Variants in AFF2 observed in about 807,000 individuals in gnomAD.
The protein encoded by AFF2 is ALF transcription elongation factor 2.
In AFF2, 14 loss-of-function variants were observed where a neutral mutation model predicts 76.9. That is an observed-to-expected ratio of 0.18 (90% CI 0.12 to 0.28). The LOEUF is 0.28. Ranked by LOEUF, AFF2 falls within the 10% of genes least tolerant of loss-of-function variation. The pLI is 1.00. For missense variants in AFF2, 868 were observed against 1,001.1 expected (o/e 0.87, Z 1.79); for synonymous variants, 398 against 366.7 (o/e 1.09, Z -0.98).
intron 3 of AFF2, among the ~76,000 whole-genome samples, chrX:148,767,515 A>C (rs1273081863): frequency 8.9e-6 from 1 of 112,143 alleles, no homozygotes; most frequent in Non-Finnish European, 1.9e-5. Context: ...ACCTGAATGC[A>C]AAGTTTCTCA....
chrX:148,742,127 G>C (rs782638192), intron 3 of AFF2, among the ~76,000 whole-genome samples: 3 of 111,744 alleles, frequency 2.7e-5, no homozygotes, highest in African/African-American at 9.8e-5. Context: ...ATGCTGCTCT[G>C]TCTGGAGCTG....
chrX:148,716,091 A>G (rs1557263348), intron 3 of AFF2, among the ~76,000 whole-genome samples: 5 of 111,847 alleles, frequency 4.5e-5, no homozygotes, highest in Non-Finnish European at 9.4e-5. Flanking sequence ...TTATATATAC[A>G]TATATATGTG....
chrX:148,610,338 C>G (rs1304627602), intron 1 of AFF2, among the ~76,000 whole-genome samples: 1 of 111,695 alleles, frequency 9.0e-6, no homozygotes, highest in Non-Finnish European at 1.9e-5. Context: ...CTGACTCCTA[C>G]TTTGGGGTTT....
At chrX:148,687,803 G>A (rs782402985) in intron 3 of AFF2, among the ~76,000 whole-genome samples, 43 of 110,846 alleles carry the variant, frequency 3.9e-4, no homozygotes, top group Middle Eastern at 4.7e-3. Flanking sequence ...TAATTTAGAC[G>A]TATGTATGGT....
chrX:148,730,557 G>A lies in AFF2; in HGVS notation c.1041+67789G>A, dbSNP rs189706551. 6.2e-5 allele frequency among the ~76,000 whole-genome samples: 7 copies of A among 113,052 alleles called. No homozygotes were observed. The East Asian group carries it at 2.0e-3, about 32-fold the overall frequency. On this transcript the variant is annotated intron_variant, in intron 3 of 20. Transcript: ENST00000370460. ...GATGACATTTCCTTTCAGGAAGTCA[G>A]CCTACTCCTCCCCCAACATCTACTC...
chrX:148,824,384 A>G (rs782353844), intron 4 of AFF2, among the ~76,000 whole-genome samples: 1 of 111,968 alleles, frequency 8.9e-6, no homozygotes, highest in Admixed American at 9.5e-5. Flanking sequence ...AAAATTTACT[A>G]AAAGAGTGGA....
chrX:148,967,834 G>A (rs1351781709), intron 15 of AFF2, 142 bp downstream of exon 15: 16 of 473,893 alleles, frequency 3.4e-5, no homozygotes, highest in Middle Eastern at 3.6e-4. Context: ...GACATAGGGA[G>A]ATTTGAACTA....
At chrX:148,761,020 G>C (rs1345174977) in intron 3 of AFF2, among the ~76,000 whole-genome samples, 3 of 111,633 alleles carry the variant, frequency 2.7e-5, no homozygotes, top group African/African-American at 9.8e-5. Flanking sequence ...TGTGAAGAAA[G>C]CAGTCTTACA....
At chrX:148,806,196 G>T (rs993430430) in intron 3 of AFF2, among the ~76,000 whole-genome samples, 3 of 112,313 alleles carry the variant, frequency 2.7e-5, no homozygotes, top group African/African-American at 6.5e-5. Flanking sequence ...AAGACGTGTG[G>T]GTGTGTGTGA....
chrX:148,539,154 A>G (rs1445217645), intron 1 of AFF2, among the ~76,000 whole-genome samples: 1 of 112,093 alleles, frequency 8.9e-6, no homozygotes, highest in South Asian at 3.7e-4. Context: ...AGTATGCCCT[A>G]TGAGAGTTAC....
chrX:148,870,384 A>G lies in AFF2; in HGVS notation c.1263-15505A>G, dbSNP rs1603323707. On this transcript the variant is annotated intron_variant, in intron 7 of 20. Transcript: ENST00000370460. ...ATTTACTTTTTTATGTGAAGACAAAATGTTTGTAGGAAGCAGCTCTCACAT... is the reference window on the plus strand; with the variant it reads ...ATTTACTTTTTTATGTGAAGACAAAGTGTTTGTAGGAAGCAGCTCTCACAT... 4.4e-5 allele frequency among the ~76,000 whole-genome samples: 5 copies of G among 112,506 alleles called. No individual in the cohort carries two copies. The South Asian group carries it at 1.8e-3, about 42-fold the overall frequency.
chrX:148,944,719 T>C (rs183453571), intron 9 of AFF2, among the ~76,000 whole-genome samples: 14 of 110,497 alleles, frequency 1.3e-4, no homozygotes, highest in African/African-American at 4.3e-4. Context: ...TTAGCCAACG[T>C]TGGCCAGTCT....
At chrX:148,684,858 A>G (rs2054585776) in intron 3 of AFF2, among the ~76,000 whole-genome samples, 1 of 112,537 alleles carries the variant, frequency 8.9e-6, no homozygotes, top group African/African-American at 3.2e-5. Flanking sequence ...TAACATTGCC[A>G]TATTTTAACT....
At chrX:148,949,424 C>T (rs1358015235) in intron 9 of AFF2, among the ~76,000 whole-genome samples, 4 of 111,637 alleles carry the variant, frequency 3.6e-5, no homozygotes, top group East Asian at 2.8e-4. Context: ...ACTCTCTGAT[C>T]GCCTTCCCCA....
chrX:148,763,233 T>C (rs2069473173), intron 3 of AFF2, among the ~76,000 whole-genome samples: 1 of 112,298 alleles, frequency 8.9e-6, no homozygotes, highest in Admixed American at 9.5e-5. Flanking sequence ...ATTTAGTGAA[T>C]TTAATTATAC....
At chrX:148,556,855 T>C (rs2053057857) in intron 1 of AFF2, among the ~76,000 whole-genome samples, 1 of 112,204 alleles carries the variant, frequency 8.9e-6, no homozygotes, top group Admixed American at 9.5e-5. Flanking sequence ...CAGGTAACAG[T>C]TTGAAATTTC....
intron 9 of AFF2, among the ~76,000 whole-genome samples, chrX:148,917,272 G>A (rs1557282717): frequency 2.7e-5 from 3 of 112,011 alleles, no homozygotes; most frequent in African/African-American, 9.8e-5. Flanking sequence ...AAAAGAGGAG[G>A]CACAGGAGTG....
intron 1 of AFF2, among the ~76,000 whole-genome samples, chrX:148,549,871 T>C (rs2124284782): frequency 8.9e-6 from 1 of 112,504 alleles, no homozygotes; most frequent in South Asian, 3.6e-4. Context: ...CTCTTGGTTA[T>C]TAAAAACAAT....
chrX:148,870,991 A>C (rs1557277291), intron 7 of AFF2, among the ~76,000 whole-genome samples: 2 of 111,024 alleles, frequency 1.8e-5, no homozygotes, highest in Non-Finnish European at 3.8e-5. Flanking sequence ...CAAGGTGGCC[A>C]AAGAGTTCTG....
Sources: gnomAD v4.1 joint callset for allele counts (sites outside exome capture counted in the v4.1 genomes callset) on GRCh38, gnomAD v4.1.1 for gene constraint, MANE v1.5 for transcripts, NCBI Gene and HGNC (gene_info 2026-07-23, HGNC 2026-07-21) for gene names.